The following JUP variants were observed in gnomAD, a reference collection of about 807,000 sequenced individuals.
JUP encodes junction plakoglobin, also known as catenin (cadherin-associated protein), gamma 80kDa.
JUP carries 28 observed loss-of-function variants against 71.1 expected under a neutral mutation model. The observed-to-expected ratio is 0.39, with a 90% CI of 0.29 to 0.54. JUP has a LOEUF of 0.54. Among genes scored for constraint, JUP ranks in the 20% least tolerant of loss-of-function variants. The pLI, the probability that JUP is intolerant of heterozygous loss-of-function variation, is 0.62. For missense variants in JUP, 869 were observed against 1,030.1 expected (o/e 0.84, Z 2.14); for synonymous variants, 401 against 438.9 (o/e 0.91, Z 1.08).
At chr17:41,785,070 A>G (rs2047383376) in intron 1 of JUP, 1 of 151,998 alleles carries the variant, frequency 6.6e-6, no homozygotes, top group Non-Finnish European at 1.5e-5. Context: ...CTTCCCCCAA[A>G]AAGCCTTCCT....
intron 7 of JUP, 135 bp from the exon 8 acceptor site, chr17:41,763,456 T>A (rs1432506151): frequency 1.5e-6 from 1 of 647,898 alleles, no homozygotes; most frequent in Non-Finnish European, 2.8e-6. Context: ...TTCATCCCTA[T>A]GACCCGCCAC....
At chr17:41,767,687 G>A (rs569370805) in intron 4 of JUP, 107 bp from the exon 5 acceptor site, 31 of 842,876 alleles carry the variant, frequency 3.7e-5, no homozygotes, top group African/African-American at 3.2e-4. Flanking sequence ...CGCTACTGAC[G>A]CCCCTCTGGA....
chr17:41,767,838 G>A (rs1181328118), intron 4 of JUP, among the ~76,000 whole-genome samples: 2 of 152,210 alleles, frequency 1.3e-5, no homozygotes, highest in Non-Finnish European at 2.9e-5. Context: ...GCGCACAGTA[G>A]GTCCCCTAGA....
chr17:41,775,319 G>C (rs533126296), intron 1 of JUP, among the ~76,000 whole-genome samples: 74 of 152,348 alleles, frequency 4.9e-4, no homozygotes, highest in African/African-American at 1.8e-3. Flanking sequence ...AACTCCTCCT[G>C]AGGAAGGGGT....
At chr17:41,783,703 G>C (rs1424254272) in intron 1 of JUP, among the ~76,000 whole-genome samples, 1 of 151,798 alleles carries the variant, frequency 6.6e-6, no homozygotes, top group Non-Finnish European at 1.5e-5. Context: ...GGCGAATCAC[G>C]AGGTCAGGAG....
rs2230408 is a variant in JUP at position 41,763,256 on chromosome 17, G to A, written c.1224C>T (p.Leu408=). 1,723 of 1,614,162 alleles carry A rather than the reference G, an allele frequency of 1.1e-3. 21 individuals are homozygous for A. The African/African-American group carries it at 0.02, about 19-fold the overall frequency. The change falls in exon 8 of 14, where the codon CTC becomes CTT. Residue 408 remains leucine (L), a synonymous_variant. Transcript: ENST00000393931. ...TGGAGAGTGTGCCCGTGGCACAGGT[G>A]AGGACGTTGACGTCATCCACACTCA... The part of the protein sequence containing the change: ...NQLSVDDVNV[L]TCATGTLSNL...
At chr17:41,772,027 G>A (rs1415231353) in intron 1 of JUP, among the ~76,000 whole-genome samples, 165 bp from the exon 2 acceptor site, 1 of 152,166 alleles carries the variant, frequency 6.6e-6, no homozygotes, top group Admixed American at 6.5e-5. Context: ...AAGGGCACCA[G>A]GCCCAGGGAG....
Position 41,758,532 on chromosome 17 carries a change from G to A in JUP, c.1654-14C>T. 2.5e-6 allele frequency: 4 copies of A among 1,605,420 alleles called. No individual in the cohort carries two copies. Among genetic ancestry groups the A allele is most frequent in the Non-Finnish European group, 1.7e-6 (2 of 1,173,270 alleles). On this transcript the variant is annotated splice_polypyrimidine_tract_variant and intron_variant, in intron 9 of 13. Transcript: ENST00000393931. ...CCTCACACCATCCTGTGTGAGAGGAGGCAGGGGGCATGGGACAGGTGCCTT... is the reference window on the plus strand; with the variant it reads ...CCTCACACCATCCTGTGTGAGAGGAAGCAGGGGGCATGGGACAGGTGCCTT...
At chr17:41,774,774 G>T (rs1917188166) in intron 1 of JUP, among the ~76,000 whole-genome samples, 1 of 152,164 alleles carries the variant, frequency 6.6e-6, no homozygotes, top group East Asian at 1.9e-4. Context: ...GGACCAAGGT[G>T]CTTGCAGATG....
At position 41,771,445 on chromosome 17, in the gene JUP, G is replaced by A. The variant is rs1252755165; in HGVS notation, c.208+202C>T. The A allele has an allele frequency of 1.1e-5, 7 of 613,436 alleles. No individual in the cohort carries two copies. In the African/African-American group the frequency reaches 1.3e-4, roughly 11 times the overall value. 38.0% of individuals were successfully genotyped at this position (613,436 alleles called of 1,614,324 possible). A position where few individuals can be genotyped will look rare whatever the true frequency, so the allele number is the denominator to read the frequency against. On this transcript the variant is annotated intron_variant, in intron 2 of 13. Coordinates refer to ENST00000393931, the MANE Select transcript of JUP (RefSeq NM_002230.4). The stretch of plus-strand genomic sequence containing the variant: ...CCCTCCCTACTGATGGTTCACAGAA[G>A]AGGATTCTGTGACCCTCCCAGATGC...
chr17:41,758,483 G>A lies in JUP; in HGVS notation c.1689C>T (p.Cys563=). The change falls in exon 10 of 14, where the codon TGC becomes TGT. Residue 563 remains cysteine, a synonymous_variant. Transcript: ENST00000393931. ...GGGCGAGGATGTGCAGTGCTCCGGT[G>A]CAGCCCTCCACAATCTCCTCCATCC... The part of the protein sequence containing the change: ...GVRMEEIVEG[C]TGALHILARD... The A allele has an allele frequency of 6.2e-7, 1 of 1,613,900 alleles. No individual in the cohort carries two copies. The highest frequency in any genetic ancestry group is 8.5e-7 in the Non-Finnish European group (1 of 1,179,852).
chr17:41,783,692 G>A lies in JUP; in HGVS notation c.-9+2896C>T, dbSNP rs538961819. On this transcript the variant is annotated intron_variant, in intron 1 of 13. Coordinates refer to ENST00000393931, the MANE Select transcript of JUP (RefSeq NM_002230.4). The stretch of plus-strand genomic sequence containing the variant: ...TCCCAGCACTTTGGGAGGCCGGGGC[G>A]GGCGAATCACGAGGTCAGGAGATCA... 5.3e-5 allele frequency among the ~76,000 whole-genome samples: 8 copies of A among 151,942 alleles called. No individual in the cohort carries two copies. The East Asian group carries it at 5.9e-4, about 11-fold the overall frequency.
intron 1 of JUP, among the ~76,000 whole-genome samples, chr17:41,776,448 G>A (rs187440884): frequency 6.8e-4 from 104 of 152,374 alleles, no homozygotes; most frequent in Admixed American, 4.6e-4. Flanking sequence ...TGGCGCAGTG[G>A]CTCGTGCCTA....
At chr17:41,776,084 C>G (rs1336365858) in intron 1 of JUP, 1 of 649,458 alleles carries the variant, frequency 1.5e-6, no homozygotes, top group African/African-American at 2.0e-5. Flanking sequence ...GAAATAAGGA[C>G]AGGAGTGGGT....
At chr17:41,779,531 T>C (rs1222126957) in intron 1 of JUP, among the ~76,000 whole-genome samples, 2 of 152,000 alleles carry the variant, frequency 1.3e-5, no homozygotes, top group African/African-American at 2.4e-5. Flanking sequence ...GGTTTCACCA[T>C]GTTAGCCAGG....
At position 41,769,645 on chromosome 17, in the gene JUP, T is replaced by C; in HGVS notation, c.241A>G (p.Arg81Gly). The change falls in exon 3 of 14, where the codon AGG (arginine) becomes GGG (glycine). Residue 81 changes from arginine to glycine, a missense_variant. By Grantham distance (125) the Arg-to-Gly change is moderately radical. Coordinates refer to ENST00000393931, the MANE Select transcript of JUP (RefSeq NM_002230.4). ...ATGGCCTCCCGCACCCGTTTGGCCC[T>C]GGCTGTTGTGGACATCTGGTACTCC... is the stretch of plus-strand genomic sequence containing the variant. ...DLEYQMSTTA[R>G]AKRVREAMCP... is the part of the protein sequence containing the mutation. 6.2e-7 allele frequency: 1 copy of C among 1,607,962 alleles called. No homozygotes were observed. Among genetic ancestry groups the C allele is most frequent in the East Asian group, 2.2e-5 (1 of 44,672 alleles).
rs931162217 is a variant in JUP, at chr17:41,772,037, G to A, written c.-8-175C>T. ...CCCAGAAGGGCACCAGGCCCAGGGAGGGGCTGCCCACGACGAGATACCCTG... is the reference window on the plus strand; with the variant it reads ...CCCAGAAGGGCACCAGGCCCAGGGAAGGGCTGCCCACGACGAGATACCCTG... On this transcript the variant is annotated intron_variant, in intron 1 of 13. Transcript: ENST00000393931. Among the ~76,000 whole-genome samples the A allele has an allele frequency of 2.6e-4, 40 of 152,192 alleles. 1 individual carries two copies. Among genetic ancestry groups the A allele is most frequent in the Admixed American group, 1.2e-3 (18 of 15,290 alleles).
intron 1 of JUP, among the ~76,000 whole-genome samples, chr17:41,781,075 G>A (rs2047134722): frequency 6.6e-6 from 1 of 152,032 alleles, no homozygotes; most frequent in Non-Finnish European, 1.5e-5. Context: ...CAGCTACTCG[G>A]GAGGCTAAGG....
chr17:41,763,993 C>A (rs1220796673), intron 7 of JUP, among the ~76,000 whole-genome samples: 1 of 152,170 alleles, frequency 6.6e-6, no homozygotes, highest in Non-Finnish European at 1.5e-5. Flanking sequence ...TCAGTGTCTT[C>A]ATCTAACCCA....
Sources: allele counts gnomAD v4.1 joint callset (sites outside exome capture counted in the v4.1 genomes callset), GRCh38; gene constraint gnomAD v4.1.1; transcripts MANE v1.5; gene names NCBI Gene and HGNC (gene_info 2026-07-23, HGNC 2026-07-21).